Variants in FAM161B observed in about 807,000 individuals in gnomAD.
The protein encoded by FAM161B is FAM161 centrosomal protein B.
In FAM161B, 46 loss-of-function variants were observed where a neutral mutation model predicts 61.5. The observed-to-expected ratio is 0.75, with a 90% CI of 0.59 to 0.96. The LOEUF is 0.96. FAM161B is among the 40% of genes least tolerant of loss of function. The pLI, the probability that FAM161B is intolerant of heterozygous loss-of-function variation, is 0.00. For missense variants in FAM161B, 774 were observed against 800.7 expected, an observed-to-expected ratio of 0.97 and a Z score of 0.40; for synonymous variants, 284 against 302.7, an observed-to-expected ratio of 0.94 and a Z score of 0.64.
At chr14:73,927,592 C>T (rs17094021), downstream of FAM161B, among the ~76,000 whole-genome samples, 23,250 of 152,098 alleles carry the variant, frequency 0.15, 2,314 homozygotes, top group East Asian at 0.49. Context: ...AAATTCTCCA[C>T]GTTACCCAAA....
At chr14:73,925,822 A>G in the FAM161B span, among the ~76,000 whole-genome samples, 1 of 152,162 alleles carries the variant, frequency 6.6e-6, no homozygotes, top group Admixed American at 6.5e-5. Flanking sequence ...GCTTGAATCC[A>G]GGAGTTCAAG....
chr14:73,937,525 A>ATGTGGG, intron 7 of FAM161B, 77 bp downstream of exon 7: 1 of 1,364,132 alleles, frequency 7.3e-7, no homozygotes, highest in Non-Finnish European at 1.0e-6. Flanking sequence ...TAATACCCAC[A>ATGTGGG]TATTAAAATT....
At chr14:73,924,588 T>C in the FAM161B span, 1 of 395,360 alleles carries the variant, frequency 2.5e-6, no homozygotes, top group South Asian at 1.9e-5. Flanking sequence ...ACATTTCATA[T>C]GCATAAACTT....
rs1774574020 is a variant in FAM161B at position 73,946,554 on chromosome 14, CG to C, written c.105del (p.Asp37MetfsTer21). 1 of 1,614,064 alleles carries C rather than the reference CG, an allele frequency of 6.2e-7. No individual in the cohort carries two copies. Among genetic ancestry groups the C allele is most frequent in the African/African-American group, 1.3e-5 (1 of 74,932 alleles). ...FADTEAGEELSGDGLVLPRAS... is the reference protein window; with the variant it reads ...FADTEAGEELXGDGLVLPRAS... ...GCCCTGGGCAAAACCAGCCCATCCC[CG>C]GACAGCTCCTCTCCTGCCTCTGTGT... On this transcript the variant is annotated frameshift_variant, in exon 2 of 9. Coordinates refer to ENST00000286544, the MANE Select transcript of FAM161B (RefSeq NM_152445.3). LOFTEE classifies it high-confidence loss of function.
chr14:73,938,622 A>G (rs2055991562), intron 5 of FAM161B, among the ~76,000 whole-genome samples: 1 of 151,354 alleles, frequency 6.6e-6, no homozygotes, highest in Non-Finnish European at 1.5e-5. Flanking sequence ...AATACAAAAA[A>G]TTAGCCGGGT....
At chr14:73,938,155 G>T in intron 5 of FAM161B, 43 bp from the exon 6 acceptor site, 1 of 1,602,982 alleles carries the variant, frequency 6.2e-7, no homozygotes, top group Non-Finnish European at 8.5e-7. Flanking sequence ...TACCAACCTG[G>T]GTATACTGAA....
At chr14:73,925,386 G>A in the FAM161B span, among the ~76,000 whole-genome samples, 1 of 151,586 alleles carries the variant, frequency 6.6e-6, no homozygotes, top group Non-Finnish European at 1.5e-5. Context: ...CGTCGAAGTC[G>A]AAGTTACGGC....
In FAM161B at chr14:73,942,609, G is replaced by C; in HGVS notation, c.1032C>G (p.Pro344=). Residue 344 remains proline (P), a synonymous_variant, in exon 4 of 9, where the codon CCC becomes CCG. Transcript: ENST00000286544. ...ASSSNRANPQ[P]RTATRTQQEK... ...CCTGCTGGGTTCGGGTGGCTGTGCG[G>C]GGCTGTGGGTTAGCCCGGTTACTAG... The C allele has an allele frequency of 4.3e-6, 7 of 1,614,206 alleles. No homozygotes were observed. The highest frequency in any genetic ancestry group is 5.9e-6 in the Non-Finnish European group (7 of 1,180,032).
intron 5 of FAM161B, 29 bp downstream of exon 5, chr14:73,940,897 C>T (rs2056011878): frequency 1.3e-6 from 2 of 1,586,766 alleles, no homozygotes; most frequent in East Asian, 2.3e-5. Flanking sequence ...AGAATCAGAG[C>T]ATGGGTCTCG....
rs1566672024 is a variant in FAM161B at position 73,934,330 on chromosome 14, G to A, written c.1870C>T (p.Gln624Ter). Residue 624 changes from glutamine to a stop codon, truncating the protein, a stop_gained, in exon 9 of 9, where the codon CAG (glutamine) becomes TAG (stop). Coordinates refer to ENST00000286544, the MANE Select transcript of FAM161B (RefSeq NM_152445.3). LOFTEE classifies it low-confidence loss of function (END_TRUNC). The stretch of plus-strand genomic sequence containing the variant: ...AGTACTTTCCTGGGGCTTGCAGGCT[G>A]TTCTAGAGATCCTTCTAAACCCTGC... ...PEQGLEGSLEQPASPRKVLEE... is the reference protein window; with the variant it reads ...PEQGLEGSLE The A allele has an allele frequency of 6.2e-7, 1 of 1,614,014 alleles. No homozygotes were observed. The highest frequency in any genetic ancestry group is 8.5e-7 in the Non-Finnish European group (1 of 1,180,034).
At chr14:73,948,090 G>A (rs3759750) in intron 1 of FAM161B, among the ~76,000 whole-genome samples, 62,780 of 151,818 alleles carry the variant, frequency 0.41, 13,726 homozygotes, top group South Asian at 0.49. Context: ...CACCTGGCTA[G>A]TTTTTGTATT....
chr14:73,928,323 G>T (rs1437705985), downstream of FAM161B, among the ~76,000 whole-genome samples: 1 of 152,098 alleles, frequency 6.6e-6, no homozygotes, highest in Non-Finnish European at 1.5e-5. Context: ...GGGAGTAGAG[G>T]GCCTCTGTGG....
chr14:73,934,504 G>T, intron 8 of FAM161B, 110 bp from the exon 9 acceptor site: 4 of 1,033,976 alleles, frequency 3.9e-6, no homozygotes, highest in Non-Finnish European at 5.4e-6. Context: ...ACTGCAGCCT[G>T]GACAGCCCAG....
chr14:73,937,013 G>A (rs1032255237), intron 7 of FAM161B, among the ~76,000 whole-genome samples: 1 of 151,996 alleles, frequency 6.6e-6, no homozygotes, highest in Non-Finnish European at 1.5e-5. Flanking sequence ...AGGATACTTC[G>A]GGTACACTGC....
At position 73,943,963 on chromosome 14, in the gene FAM161B, A is replaced by G. The variant is rs530297200; in HGVS notation, c.925+372T>C. Among the ~76,000 whole-genome samples, 5 of 152,244 alleles carry G rather than the reference A, an allele frequency of 3.3e-5. No individual in the cohort carries two copies. The East Asian group carries it at 9.7e-4, about 29-fold the overall frequency. On this transcript the variant is annotated intron_variant, in intron 3 of 8. Coordinates refer to ENST00000286544, the MANE Select transcript of FAM161B (RefSeq NM_152445.3). The stretch of plus-strand genomic sequence containing the variant: ...GATTGACACTACCTCACCAGGACGA[A>G]GGAGCCATGGGGGAGCATCTCAGGG...
chr14:73,940,134 C>G (rs908062736), intron 5 of FAM161B, among the ~76,000 whole-genome samples: 11 of 152,232 alleles, frequency 7.2e-5, no homozygotes, highest in Admixed American at 6.5e-4. Context: ...GACATTAGTC[C>G]TCTCCCTGGC....
In FAM161B at chr14:73,941,582, TC is replaced by T. The variant is rs748061873; in HGVS notation, c.1273-530del. ...AAGTTTTTAGTCAAATGAGAAGAGTTCCTTGGAATTGGTATAGAGACATCAA... is the reference window on the plus strand; with the variant it reads ...AAGTTTTTAGTCAAATGAGAAGAGTTCTTGGAATTGGTATAGAGACATCAA... On this transcript the variant is annotated intron_variant, in intron 4 of 8. Transcript: ENST00000286544. 5.3e-5 allele frequency among the ~76,000 whole-genome samples: 8 copies of T among 152,264 alleles called. No homozygotes were observed. In the South Asian group the frequency reaches 1.7e-3, roughly 32 times the overall value.
At chr14:73,948,660 A>G (rs767560872) in intron 1 of FAM161B, among the ~76,000 whole-genome samples, 17 of 152,230 alleles carry the variant, frequency 1.1e-4, no homozygotes, top group Non-Finnish European at 2.5e-4. Context: ...GTTTTAGTAT[A>G]TACACAGAGT....
intron 5 of FAM161B, among the ~76,000 whole-genome samples, chr14:73,939,894 G>A (rs867043626): frequency 1.3e-5 from 2 of 152,362 alleles, no homozygotes; most frequent in South Asian, 4.1e-4. Flanking sequence ...GAAAGCAGAT[G>A]TGGATGTCCT....
Sources: allele counts gnomAD v4.1 joint callset (sites outside exome capture counted in the v4.1 genomes callset), GRCh38; gene constraint gnomAD v4.1.1; transcripts MANE v1.5; gene names NCBI Gene and HGNC (gene_info 2026-07-23, HGNC 2026-07-21).